Variants in NACC2 observed in about 807,000 individuals in gnomAD.
The protein encoded by NACC2 is nucleus accumbens-associated protein 2.
A neutral mutation model predicts 25.1 loss-of-function variants in NACC2; 8 were observed. The observed-to-expected ratio is 0.32, with a 90% CI of 0.19 to 0.57. The LOEUF is 0.57. NACC2 is among the 20% of genes least tolerant of loss of function. The pLI is 0.89. For synonymous variants in NACC2, 435 were observed against 294.7 expected, an observed-to-expected ratio of 1.48 and a Z score of -4.88; for missense variants, 644 against 650.2, an observed-to-expected ratio of 0.99 and a Z score of 0.10.
At chr9:136,073,757 T>C (rs1830226383) in intron 1 of NACC2, among the ~76,000 whole-genome samples, 1 of 152,206 alleles carries the variant, frequency 6.6e-6, no homozygotes, top group Non-Finnish European at 1.5e-5. Flanking sequence ...TCAGTTTCAA[T>C]GGGTCTATTC....
chr9:136,016,411 G>T lies in NACC2; in HGVS notation c.905C>A (p.Pro302Gln), dbSNP rs1041400171. ...GSYAVQEKPE[P>Q]VPLESRSCVL... ...GCAGGAGCGGCTCTCCAGCGGCACT[G>T]GCTCAGGCTTCTCTTGCACTGTGGG... The change falls in exon 3 of 6, where the codon CCA becomes CAA. Residue 302 changes from proline (P) to glutamine (Q), a missense_variant. Transcript: ENST00000277554. 5.6e-6 allele frequency: 9 copies of T among 1,610,944 alleles called. No individual in the cohort carries two copies. Among genetic ancestry groups the T allele is most frequent in the Non-Finnish European group, 6.8e-6 (8 of 1,179,746 alleles).
At position 136,086,987 on chromosome 9, in the gene NACC2, A is replaced by G. The variant is rs1281173687; in HGVS notation, c.-60+8202T>C. 2.0e-5 allele frequency among the ~76,000 whole-genome samples: 3 copies of G among 152,234 alleles called. No individual in the cohort carries two copies. Among genetic ancestry groups the G allele is most frequent in the Non-Finnish European group, 4.4e-5 (3 of 68,044 alleles). On this transcript the variant is annotated intron_variant, in intron 1 of 5. Coordinates refer to ENST00000277554, the MANE Select transcript of NACC2 (RefSeq NM_144653.5). This position sits in a 1 kb window ranked among gnomAD's most constrained non-coding sequence, Gnocchi z 5.6. ...AAACAGGGTCTTTACAGATATCATT[A>G]GTGAAAGGTAAGATGAGATATCCCG...
At chr9:136,059,675 G>A (rs1840980967) in intron 1 of NACC2, among the ~76,000 whole-genome samples, 1 of 152,254 alleles carries the variant, frequency 6.6e-6, no homozygotes, top group African/African-American at 2.4e-5. Context: ...GGGACACCCT[G>A]CATACGGCTG....
In NACC2 at chr9:136,050,542, G is replaced by A. The variant is rs1189238266; in HGVS notation, c.-21C>T. The A allele has an allele frequency of 5.3e-6, 4 of 753,756 alleles. No individual in the cohort carries two copies. Among genetic ancestry groups the A allele is most frequent in the Non-Finnish European group, 9.7e-6 (4 of 413,712 alleles). The allele number at this position is 753,756 out of a possible 1,614,324, so 46.7% of individuals were successfully genotyped here. ...GACATGGCGGGCGGGCAGCGGCGGGGCTGGGCTCTCAGCGCGGGGCGGCCC... is the reference window on the plus strand; with the variant it reads ...GACATGGCGGGCGGGCAGCGGCGGGACTGGGCTCTCAGCGCGGGGCGGCCC... On this transcript the variant is annotated 5_prime_UTR_variant, in exon 2 of 6. Coordinates refer to ENST00000277554, the MANE Select transcript of NACC2 (RefSeq NM_144653.5).
intron 1 of NACC2, among the ~76,000 whole-genome samples, chr9:136,072,155 T>C (rs11103310): frequency 0.49 from 74,715 of 151,820 alleles, 19,196 homozygotes; most frequent in Middle Eastern, 0.63. Context: ...GGAGAATTAC[T>C]TGAAACCGGG....
chr9:136,094,312 G>A (rs1361656072), intron 1 of NACC2, among the ~76,000 whole-genome samples: 1 of 152,214 alleles, frequency 6.6e-6, no homozygotes, highest in Non-Finnish European at 1.5e-5. Context: ...GCGGCCTTCA[G>A]ACCCACAGGT....
intron 2 of NACC2, among the ~76,000 whole-genome samples, chr9:136,035,712 TAA>T (rs35266940): frequency 6.9e-6 from 1 of 145,910 alleles, no homozygotes; most frequent in African/African-American, 2.5e-5. Context: ...CCTTGTTTGT[TAA>T]AAAAAAAAAA....
At position 136,008,223 on chromosome 9, in the gene NACC2, C is replaced by G. The variant is rs1026672758; in HGVS notation, c.*3293G>C. On this transcript the variant is annotated 3_prime_UTR_variant, in exon 6 of 6. Transcript: ENST00000277554. ...AGAATTCAAGTACCGAGGCACCCAG[C>G]CAGGCGCGGCCCGCCGGGCTCACAG... 2 of 152,346 alleles carry G rather than the reference C, an allele frequency of 1.3e-5. No homozygotes were observed. Among genetic ancestry groups the G allele is most frequent in the Admixed American group, 6.5e-5 (1 of 15,290 alleles). The allele number at this position is 152,346 out of a possible 1,614,324, so 9.4% of individuals were successfully genotyped here.
rs1841128910 is a variant in NACC2 at position 136,069,761 on chromosome 9, T to C, written c.-59-19181A>G. On this transcript the variant is annotated intron_variant, in intron 1 of 5. Coordinates refer to ENST00000277554, the MANE Select transcript of NACC2 (RefSeq NM_144653.5). ...CGTGACATAATAATTAAAGCATCAA[T>C]CCACTAAGACACAGCAATCCTAAAT... Among the ~76,000 whole-genome samples, 7 of 151,832 alleles carry C rather than the reference T, an allele frequency of 4.6e-5. No homozygotes were observed. In the South Asian group the frequency reaches 1.5e-3, roughly 31 times the overall value.
intron 1 of NACC2, among the ~76,000 whole-genome samples, chr9:136,089,887 T>C (rs532700630): frequency 6.6e-6 from 1 of 151,752 alleles, no homozygotes; most frequent in Non-Finnish European, 1.5e-5. Flanking sequence ...GCAAGATTAA[T>C]GCCTAAAGGG....
chr9:136,033,648 C>CA (rs558163152), intron 2 of NACC2, among the ~76,000 whole-genome samples: 20,692 of 71,064 alleles, frequency 0.29, 3,535 homozygotes, highest in South Asian at 0.42. Flanking sequence ...GACTCTGTCT[C>CA]AAAAAAAAAA....
intron 1 of NACC2, among the ~76,000 whole-genome samples, chr9:136,052,762 C>T (rs937403529): frequency 9.2e-5 from 14 of 152,364 alleles, no homozygotes; most frequent in East Asian, 3.9e-4. Flanking sequence ...TCGCTCCTCC[C>T]GCACACTCCT....
At chr9:136,012,389 C>T (rs982943869) in intron 5 of NACC2, among the ~76,000 whole-genome samples, 2 of 152,272 alleles carry the variant, frequency 1.3e-5, no homozygotes, top group African/African-American at 4.8e-5. Flanking sequence ...CACCCCTCCC[C>T]GTCCCAGTCC....
At chr9:136,066,735 T>C (rs1236464134) in intron 1 of NACC2, among the ~76,000 whole-genome samples, 1 of 152,080 alleles carries the variant, frequency 6.6e-6, no homozygotes, top group East Asian at 1.9e-4. Context: ...AATACACAAA[T>C]GTCTATCACG....
intron 1 of NACC2, among the ~76,000 whole-genome samples, chr9:136,053,342 G>T (rs910780284): frequency 6.6e-6 from 1 of 152,224 alleles, no homozygotes; most frequent in Non-Finnish European, 1.5e-5. Flanking sequence ...AAGGCCCGTG[G>T]AGGTGGCTTC....
chr9:136,087,658 C>T (rs1429126937), intron 1 of NACC2, among the ~76,000 whole-genome samples: 4 of 152,194 alleles, frequency 2.6e-5, no homozygotes, highest in Non-Finnish European at 5.9e-5. Flanking sequence ...GAGCTCACAG[C>T]GGGAAAACTG....
In NACC2 at chr9:136,061,700, G is replaced by A. The variant is rs77423920; in HGVS notation, c.-59-11120C>T. ...CTCCTGGTCAGAAAGAGGCAGATCG[G>A]AGGTCTAGCAGGCTCAGGAACCAGC... On this transcript the variant is annotated intron_variant, in intron 1 of 5. Coordinates refer to ENST00000277554, the MANE Select transcript of NACC2 (RefSeq NM_144653.5). Among the ~76,000 whole-genome samples the A allele has an allele frequency of 4.7e-3, 716 of 152,290 alleles. 10 individuals are homozygous for A. The highest frequency in any genetic ancestry group is 0.016 in the African/African-American group (661 of 41,552).
chr9:136,026,764 T>C (rs537245332), intron 2 of NACC2, among the ~76,000 whole-genome samples: 17 of 152,236 alleles, frequency 1.1e-4, no homozygotes, highest in African/African-American at 1.9e-4. Context: ...AAACTTTTAA[T>C]AGGCATATAC....
At chr9:136,069,101 T>C (rs1841121109) in intron 1 of NACC2, among the ~76,000 whole-genome samples, 2 of 147,058 alleles carry the variant, frequency 1.4e-5, no homozygotes, top group Admixed American at 1.4e-4. Context: ...AGAGACGGGG[T>C]TTCACCAAGT....
Sources: allele counts gnomAD v4.1 joint callset (sites outside exome capture counted in the v4.1 genomes callset), GRCh38; gene constraint gnomAD v4.1.1; non-coding constraint Gnocchi (gnomAD v3.1); transcripts MANE v1.5; gene names NCBI Gene and HGNC (gene_info 2026-07-23, HGNC 2026-07-21).